The following POLDIP3 variants were observed in gnomAD, a reference collection of about 807,000 sequenced individuals.
POLDIP3 encodes polymerase delta-interacting protein 3.
In POLDIP3, 14 loss-of-function variants were observed where a neutral mutation model predicts 45.1. That is an observed-to-expected ratio of 0.31 (90% CI 0.20 to 0.49). POLDIP3 has a LOEUF of 0.49. Among genes scored for constraint, POLDIP3 ranks in the 20% least tolerant of loss-of-function variants. POLDIP3 has a pLI of 0.99. For synonymous variants in POLDIP3, 223 were observed against 205.2 expected, an observed-to-expected ratio of 1.09 and a Z score of -0.74; for missense variants, 511 against 538.8, an observed-to-expected ratio of 0.95 and a Z score of 0.51.
chr22:42,607,620 G>C (rs1926825920), intron 1 of POLDIP3, among the ~76,000 whole-genome samples: 1 of 151,410 alleles, frequency 6.6e-6, no homozygotes, highest in African/African-American at 2.4e-5. Flanking sequence ...TCTGGGAAGT[G>C]AGGAGCGCCT....
intron 7 of POLDIP3, among the ~76,000 whole-genome samples, chr22:42,591,075 AT>A: frequency 1.8e-5 from 2 of 111,990 alleles, no homozygotes; most frequent in East Asian, 1.0e-3. Context: ...CTCAAAAAAA[AT>A]AAAAAAATAA....
chr22:42,610,734 C>G (rs1165185886), intron 1 of POLDIP3, among the ~76,000 whole-genome samples: 3 of 152,146 alleles, frequency 2.0e-5, no homozygotes, highest in African/African-American at 4.8e-5. Context: ...GAGACCTTGT[C>G]TCTACAGAAA....
At position 42,587,511 on chromosome 22, in the gene POLDIP3, G is replaced by A; in HGVS notation, c.1083C>T (p.Ile361=). Residue 361 remains isoleucine (I), a synonymous_variant, in exon 8 of 9, where the codon ATC becomes ATT. Transcript: ENST00000252115. ...ACCCCGCCTTTGGAACTCACAGCAG[G>A]ATGGGCTGGTCTGAGGTGATAACAT... ...NGNVITSDQP[I]LLRLSDSPSM... 1 of 1,613,890 alleles carries A rather than the reference G, an allele frequency of 6.2e-7. No individual in the cohort carries two copies. Among genetic ancestry groups the A allele is most frequent in the East Asian group, 2.2e-5 (1 of 44,888 alleles).
rs548428054 is a variant in POLDIP3 at position 42,602,747 on chromosome 22, T to G, written c.450+23A>C. 103 of 1,566,734 alleles carry G rather than the reference T, an allele frequency of 6.6e-5. 1 individual carries two copies. In the South Asian group the frequency reaches 1.2e-3, roughly 18 times the overall value. On this transcript the variant is annotated intron_variant, in intron 2 of 8. Coordinates refer to ENST00000252115, the MANE Select transcript of POLDIP3 (RefSeq NM_032311.5). ...CCTTTGTTACTAGCTTTCTGGGAAT[T>G]CATGACAAAAGCCACAACTCACCTG...
chr22:42,593,358 A>C (rs1408076247), intron 6 of POLDIP3, among the ~76,000 whole-genome samples: 1 of 152,164 alleles, frequency 6.6e-6, no homozygotes, highest in Admixed American at 6.5e-5. Context: ...TTTGGGTAGA[A>C]GAGAAGCGAG....
intron 1 of POLDIP3, among the ~76,000 whole-genome samples, chr22:42,608,024 G>A (rs1215867549): frequency 1.3e-5 from 2 of 152,150 alleles, no homozygotes; most frequent in East Asian, 3.9e-4. Flanking sequence ...GAAGTGAGGA[G>A]CCCCTCTGCC....
intron 1 of POLDIP3, among the ~76,000 whole-genome samples, chr22:42,609,559 A>G (rs904782100): frequency 4.6e-5 from 7 of 152,174 alleles, no homozygotes; most frequent in Non-Finnish European, 8.8e-5. Flanking sequence ...ACAGATGTCC[A>G]GTCCAAAAGA....
rs181422373 is a variant in POLDIP3, at chr22:42,604,087, T to G, written c.60-927A>C. On this transcript the variant is annotated intron_variant, in intron 1 of 8. Coordinates refer to ENST00000252115, the MANE Select transcript of POLDIP3 (RefSeq NM_032311.5). ...AGATCCTCCCCAAGGTCTTTGGGCT[T>G]CTTCTGTCGCCTCCCACCCTCAGGC... Among the ~76,000 whole-genome samples, 409 of 152,184 alleles carry G rather than the reference T, an allele frequency of 2.7e-3. 4 individuals are homozygous for G. The highest frequency in any genetic ancestry group is 9.2e-3 in the African/African-American group (382 of 41,524).
chr22:42,597,541 T>G, intron 4 of POLDIP3: 2 of 339,424 alleles, frequency 5.9e-6, no homozygotes, highest in East Asian at 1.7e-4. Context: ...ACAGGCTTAT[T>G]TCACCTCTCC....
At chr22:42,613,040 C>G (rs189610845) in intron 1 of POLDIP3, among the ~76,000 whole-genome samples, 1 of 152,134 alleles carries the variant, frequency 6.6e-6, no homozygotes, top group Non-Finnish European at 1.5e-5. Flanking sequence ...TACTGCCCAA[C>G]ACAAAACTCT....
chr22:42,607,936 TG>T lies in POLDIP3; in HGVS notation c.60-4777del, dbSNP rs1480723353. On this transcript the variant is annotated intron_variant, in intron 1 of 8. Transcript: ENST00000252115. ...GCAGCCGCCCCGTCTGGGAGGGAGG[TG>T]GGGGGCAGCCCCCGCACAGCCAGCC... is the stretch of plus-strand genomic sequence containing the variant. Among the ~76,000 whole-genome samples, 9 of 140,500 alleles carry T rather than the reference TG, an allele frequency of 6.4e-5. 1 individual carries two copies. Among genetic ancestry groups the T allele is most frequent in the Non-Finnish European group, 9.1e-5 (6 of 66,108 alleles). The allele number at this position is 140,500 out of a possible 152,430, so 92.2% of individuals were successfully genotyped here.
At chr22:42,588,773 C>T (rs1241352016) in intron 7 of POLDIP3, among the ~76,000 whole-genome samples, 1 of 151,960 alleles carries the variant, frequency 6.6e-6, no homozygotes, top group East Asian at 2.0e-4. Flanking sequence ...GGATTACAGG[C>T]ATGTACCACC....
intron 3 of POLDIP3, among the ~76,000 whole-genome samples, chr22:42,601,018 C>G (rs1250112850): frequency 1.3e-5 from 2 of 151,778 alleles, no homozygotes; most frequent in African/African-American, 4.8e-5. Context: ...TCATTTGAGC[C>G]CAGAAACTCA....
At chr22:42,588,147 C>T (rs9611824) in intron 7 of POLDIP3, among the ~76,000 whole-genome samples, 4,819 of 152,244 alleles carry the variant, frequency 0.032, 90 homozygotes, top group Non-Finnish European at 0.049. Context: ...AGAAAAGCCA[C>T]TGAAGAGGAA....
intron 8 of POLDIP3, 32 bp from the exon 9 acceptor site, chr22:42,586,000 T>C (rs758662643): frequency 1.4e-5 from 22 of 1,554,510 alleles, no homozygotes; most frequent in Middle Eastern, 1.7e-4. Context: ...CAAAAATTCT[T>C]GTCAGTTTTT....
intron 4 of POLDIP3, chr22:42,597,645 A>G: frequency 2.2e-6 from 1 of 455,780 alleles, no homozygotes; most frequent in African/African-American, 2.0e-5. Context: ...TTATTCAATT[A>G]GGGTATCAAA....
Position 42,584,969 on chromosome 22 carries a change from A to G in POLDIP3, c.*822T>C, listed in dbSNP as rs554545820. 3.1e-5 allele frequency: 14 copies of G among 456,312 alleles called. No individual in the cohort carries two copies. In the East Asian group the frequency reaches 8.3e-4, roughly 27 times the overall value. 28.3% of individuals were successfully genotyped at this position (456,312 alleles called of 1,614,324 possible). ...ACCAGAAGAGAGCTGGCGGCTACACAAAACCAGGGTGTGGTTAAGTGCCAG... is the reference window on the plus strand; with the variant it reads ...ACCAGAAGAGAGCTGGCGGCTACACGAAACCAGGGTGTGGTTAAGTGCCAG... On this transcript the variant is annotated 3_prime_UTR_variant, in exon 9 of 9. Transcript: ENST00000252115.
rs143260086 is a variant in POLDIP3, at chr22:42,598,876, T to G, written c.633+822A>C. ...TGAGCAGCATGGACCTCCCTGATGA[T>G]CCCAGATGTTGTTTTCTTTCCTTCT... is the stretch of plus-strand genomic sequence containing the variant. On this transcript the variant is annotated intron_variant, in intron 4 of 8. Coordinates refer to ENST00000252115, the MANE Select transcript of POLDIP3 (RefSeq NM_032311.5). Among the ~76,000 whole-genome samples the G allele has an allele frequency of 3.9e-5, 6 of 152,302 alleles. No homozygotes were observed. In the East Asian group the frequency reaches 1.2e-3, roughly 29 times the overall value.
At chr22:42,595,800 C>T (rs934411740) in intron 5 of POLDIP3, among the ~76,000 whole-genome samples, 186 bp from the exon 6 acceptor site, 5 of 152,186 alleles carry the variant, frequency 3.3e-5, no homozygotes, top group African/African-American at 1.2e-4. Context: ...AGCATGGACC[C>T]TCTCCCATCT....
Sources: gnomAD v4.1 joint callset for allele counts (sites outside exome capture counted in the v4.1 genomes callset) on GRCh38, gnomAD v4.1.1 for gene constraint, MANE v1.5 for transcripts, NCBI Gene and HGNC (gene_info 2026-07-23, HGNC 2026-07-21) for gene names.